TAF3: variants seen among roughly 807,000 people sequenced by gnomAD.
TAF3 encodes TATA-box binding protein associated factor 3, also known as transcription initiation factor TFIID subunit 3.
TAF3 carries 7 observed loss-of-function variants against 80.6 expected under a neutral mutation model. That is an observed-to-expected ratio of 0.09 (90% CI 0.05 to 0.16). The LOEUF is 0.16. TAF3 is among the 10% of genes least tolerant of loss of function. The pLI is 1.00. For synonymous variants in TAF3, 444 were observed against 446.1 expected (o/e 1.00, Z 0.06); for missense variants, 921 against 1,140.2 (o/e 0.81, Z 2.77).
intron 2 of TAF3, 69 bp downstream of exon 2, chr10:7,824,629 A>G: frequency 1.3e-6 from 2 of 1,515,254 alleles, no homozygotes; most frequent in Non-Finnish European, 9.0e-7. Context: ...TTAGCTTTCC[A>G]TGCTATGTCA....
At chr10:7,969,773 ATAAG>A (rs1438472108) in intron 3 of TAF3, among the ~76,000 whole-genome samples, 2 of 152,178 alleles carry the variant, frequency 1.3e-5, no homozygotes, top group African/African-American at 4.8e-5. Flanking sequence ...CCATCTGTAG[ATAAG>A]TAAGTCCAGT....
At chr10:7,979,092 C>T (rs907959439) in intron 4 of TAF3, among the ~76,000 whole-genome samples, 4 of 151,916 alleles carry the variant, frequency 2.6e-5, no homozygotes, top group Admixed American at 6.6e-5. Flanking sequence ...CGCCTGTAAT[C>T]CCAGCACTTT....
At chr10:7,836,227 C>T (rs1836850673) in intron 2 of TAF3, among the ~76,000 whole-genome samples, 1 of 152,060 alleles carries the variant, frequency 6.6e-6, no homozygotes, top group South Asian at 2.1e-4. Context: ...AACTGTCCCT[C>T]TACATCCACC....
chr10:7,963,410 C>T (rs1831530540), intron 2 of TAF3, among the ~76,000 whole-genome samples: 1 of 152,176 alleles, frequency 6.6e-6, no homozygotes, highest in Non-Finnish European at 1.5e-5. Context: ...AGGTTAGGGC[C>T]AGACCATGTG....
chr10:7,875,813 T>G (rs1169678515), intron 2 of TAF3, among the ~76,000 whole-genome samples: 1 of 152,124 alleles, frequency 6.6e-6, no homozygotes, highest in African/African-American at 2.4e-5. Context: ...GTGGCAAGTT[T>G]TTACTTTTAT....
rs573167744 is a variant in TAF3, at chr10:7,941,609, A to C, written c.410-22311A>C. Among the ~76,000 whole-genome samples, 10 of 152,250 alleles carry C rather than the reference A, an allele frequency of 6.6e-5. No homozygotes were observed. The South Asian group carries it at 1.9e-3, about 29-fold the overall frequency. On this transcript the variant is annotated intron_variant, in intron 2 of 6. Coordinates refer to ENST00000344293, the MANE Select transcript of TAF3 (RefSeq NM_031923.4). ...GCCACTGCCTCACTGTATCCTCATC[A>C]TCCTGGACATCCTTGCTGCGCCGAT...
chr10:7,853,631 A>C (rs954023337), intron 2 of TAF3, among the ~76,000 whole-genome samples: 1 of 152,226 alleles, frequency 6.6e-6, no homozygotes, highest in Non-Finnish European at 1.5e-5. Context: ...GTTTTGCTTT[A>C]GATTAAACTA....
In TAF3 at chr10:8,009,087, C is replaced by T. The variant is rs370882550; in HGVS notation, c.2325C>T (p.Ser775=). Residue 775 remains serine, a synonymous_variant, in exon 5 of 7, where the codon AGC becomes AGT. Transcript: ENST00000344293. This position sits in a 1 kb window ranked among gnomAD's most constrained non-coding sequence, Gnocchi z 4.1. ...VGAGQDKIVI[S]KVVPAPEAKP... ...CTTCTTTTGTTGACAGTGTCATCAG[C>T]AAGGTGGTCCCTGCCCCCGAGGCCA... 2.7e-5 allele frequency: 44 copies of T among 1,601,552 alleles called. 1 individual carries two copies. The highest frequency in any genetic ancestry group is 3.7e-5 in the Non-Finnish European group (43 of 1,174,798).
Position 8,016,472 on chromosome 10 carries a change from G to A in TAF3, c.*1721G>A, listed in dbSNP as rs966851488. On this transcript the variant is annotated 3_prime_UTR_variant, in exon 7 of 7. Coordinates refer to ENST00000344293, the MANE Select transcript of TAF3 (RefSeq NM_031923.4). The stretch of plus-strand genomic sequence containing the variant: ...TTTTCTATCCCCGCTAAGAAACAAA[G>A]CATCTATGTTGAGATATGTGTTTTT... The A allele has an allele frequency of 2.0e-5, 3 of 151,976 alleles. No homozygotes were observed. The highest frequency in any genetic ancestry group is 4.4e-5 in the Non-Finnish European group (3 of 68,010). 9.4% of individuals were successfully genotyped at this position (151,976 alleles called of 1,614,324 possible). A position where few individuals can be genotyped will look rare whatever the true frequency, so the allele number is the denominator to read the frequency against.
At chr10:7,820,720 C>G (rs187841849) in intron 1 of TAF3, among the ~76,000 whole-genome samples, 1 of 152,244 alleles carries the variant, frequency 6.6e-6, no homozygotes, top group East Asian at 1.9e-4. Flanking sequence ...GTGTCAAACT[C>G]CTGGGCTCAA....
chr10:7,818,640 C>T lies in TAF3; in HGVS notation c.-70C>T, dbSNP rs953215925. 118 of 1,518,856 alleles carry T rather than the reference C, an allele frequency of 7.8e-5. 1 individual carries two copies. Among genetic ancestry groups the T allele is most frequent in the Non-Finnish European group, 2.5e-5 (29 of 1,137,580 alleles). The allele number at this position is 1,518,856 out of a possible 1,614,324, so 94.1% of individuals were successfully genotyped here. On this transcript the variant is annotated 5_prime_UTR_variant, in exon 1 of 7. Transcript: ENST00000344293. The stretch of plus-strand genomic sequence containing the variant: ...AAGCCCTAGAGGATGAATCGGGGAC[C>T]CTGCTAAGGTCTGGCGGCGGGGCTG...
intron 4 of TAF3, among the ~76,000 whole-genome samples, chr10:7,980,024 T>C (rs900248300): frequency 2.0e-5 from 3 of 152,208 alleles, no homozygotes; most frequent in African/African-American, 7.2e-5. Context: ...TGTAGCATGA[T>C]ACATGGCTTA....
At chr10:7,995,407 A>G (rs1031158729) in intron 4 of TAF3, among the ~76,000 whole-genome samples, 7 of 152,148 alleles carry the variant, frequency 4.6e-5, no homozygotes, top group African/African-American at 1.7e-4. Flanking sequence ...CTTTTTCCCT[A>G]TGACCTTTAT....
chr10:7,834,729 C>G (rs1836834745), intron 2 of TAF3, among the ~76,000 whole-genome samples: 1 of 152,036 alleles, frequency 6.6e-6, no homozygotes, highest in African/African-American at 2.4e-5. Flanking sequence ...TAGAATATTC[C>G]ATAATTATTC....
At chr10:7,942,624 G>A (rs1837986207) in intron 2 of TAF3, among the ~76,000 whole-genome samples, 2 of 152,110 alleles carry the variant, frequency 1.3e-5, no homozygotes, top group Non-Finnish European at 2.9e-5. Context: ...AAAATCCTGG[G>A]CTAGGTCCAT....
At chr10:7,919,835 T>C (rs1246042336) in intron 2 of TAF3, among the ~76,000 whole-genome samples, 1 of 152,234 alleles carries the variant, frequency 6.6e-6, no homozygotes, top group East Asian at 1.9e-4. Flanking sequence ...GAGGGCTGAC[T>C]GTGTATGCTT....
chr10:7,891,039 C>A (rs557807013), intron 2 of TAF3, among the ~76,000 whole-genome samples: 3 of 152,276 alleles, frequency 2.0e-5, no homozygotes, highest in Non-Finnish European at 4.4e-5. Context: ...GGGGCCCCGC[C>A]CTTTGCATGT....
chr10:7,872,916 T>G lies in TAF3; in HGVS notation c.409+48356T>G, dbSNP rs577125449. Among the ~76,000 whole-genome samples, 16 of 152,158 alleles carry G rather than the reference T, an allele frequency of 1.1e-4. No homozygotes were observed. In the South Asian group the frequency reaches 3.3e-3, roughly 32 times the overall value. On this transcript the variant is annotated intron_variant, in intron 2 of 6. Coordinates refer to ENST00000344293, the MANE Select transcript of TAF3 (RefSeq NM_031923.4). ...TTGGGAAATATTTGGGGGCAGGGAG[T>G]TTAGAGAGAATCCAAGCCTGAATTT...
intron 2 of TAF3, among the ~76,000 whole-genome samples, chr10:7,924,556 C>T (rs1184114035): frequency 6.6e-6 from 1 of 152,206 alleles, no homozygotes; most frequent in Non-Finnish European, 1.5e-5. Flanking sequence ...CCCATTTTCT[C>T]TTTAACCTTT....
Sources: gnomAD v4.1 joint callset for allele counts (sites outside exome capture counted in the v4.1 genomes callset) on GRCh38, gnomAD v4.1.1 for gene constraint, Gnocchi (gnomAD v3.1) non-coding constraint, MANE v1.5 for transcripts, NCBI Gene and HGNC (gene_info 2026-07-23, HGNC 2026-07-21) for gene names.